The following SYCP1 variants were observed in gnomAD, a reference collection of about 807,000 sequenced individuals.
SYCP1 encodes cancer/testis antigen 8.
Under a neutral mutation model 153.1 loss-of-function variants are expected in SYCP1, and 64 were observed. The ratio of observed to expected loss-of-function variants is 0.42; its 90% CI spans 0.34 to 0.51. SYCP1 has a LOEUF of 0.51. SYCP1 is among the 20% of genes least tolerant of loss of function. The pLI, the probability that SYCP1 is intolerant of heterozygous loss-of-function variation, is 0.06. For synonymous variants in SYCP1, 384 were observed against 341.8 expected, an observed-to-expected ratio of 1.12 and a Z score of -1.36; for missense variants, 997 against 1,049.0, an observed-to-expected ratio of 0.95 and a Z score of 0.68.
In SYCP1 at chr1:114,876,877, A is replaced by G. The variant is rs1163443831; in HGVS notation, c.801+67A>G. The G allele has an allele frequency of 2.8e-5, 24 of 870,590 alleles. 1 individual carries two copies. In the East Asian group the frequency reaches 8.4e-4, roughly 31 times the overall value. 53.9% of individuals were successfully genotyped at this position (870,590 alleles called of 1,614,324 possible). ...AATTCATTAAAAACTTAAAATTTCA[A>G]AAGAAGTTTATATTTACTGAAAGTA... On this transcript the variant is annotated intron_variant, in intron 11 of 31. Transcript: ENST00000369522.
At chr1:114,926,927 T>C (rs1170118413) in intron 23 of SYCP1, among the ~76,000 whole-genome samples, 1 of 152,146 alleles carries the variant, frequency 6.6e-6, no homozygotes, top group Non-Finnish European at 1.5e-5. Context: ...TGTGTGATTA[T>C]CCTGCTGCAG....
rs2101452337 is a variant in SYCP1 at position 114,874,510 on chromosome 1, A to G, written c.603A>G (p.Glu201=). 6.4e-7 allele frequency: 1 copy of G among 1,555,222 alleles called. No homozygotes were observed. Among genetic ancestry groups the G allele is most frequent in the South Asian group, 1.2e-5 (1 of 84,360 alleles). ...ARSAEKTKKY[E]YEREETRQVY... is the part of the protein sequence containing the mutation. ...AAATTTTTATATTAACAATAGATGA[A>G]TATGAACGGGAAGAAACCAGGCAAG... The change falls in exon 9 of 32, where the codon GAA becomes GAG. Residue 201 remains glutamate, a synonymous_variant. Coordinates refer to ENST00000369522, the MANE Select transcript of SYCP1 (RefSeq NM_003176.4).
At chr1:114,902,553 A>G (rs893350138) in intron 16 of SYCP1, among the ~76,000 whole-genome samples, 4 of 150,532 alleles carry the variant, frequency 2.7e-5, no homozygotes, top group Non-Finnish European at 5.9e-5. Flanking sequence ...AGGAGGGGTC[A>G]AGTTCATCCC....
chr1:114,890,989 G>T (rs182909191), intron 15 of SYCP1, among the ~76,000 whole-genome samples: 106 of 152,130 alleles, frequency 7.0e-4, no homozygotes, highest in Admixed American at 2.4e-3. Context: ...TCATCAAACC[G>T]TGCTTCAGAT....
At chr1:114,960,700 A>G (rs1329817384) in intron 27 of SYCP1, among the ~76,000 whole-genome samples, 1 of 152,166 alleles carries the variant, frequency 6.6e-6, no homozygotes, top group Non-Finnish European at 1.5e-5. Context: ...TGCCATTGGT[A>G]TATCTTCTTT....
chr1:114,932,289 A>T (rs940059146), intron 23 of SYCP1, among the ~76,000 whole-genome samples: 2 of 152,228 alleles, frequency 1.3e-5, no homozygotes, highest in East Asian at 1.9e-4. Flanking sequence ...GAAAACACTG[A>T]CTAAACATTT....
intron 27 of SYCP1, among the ~76,000 whole-genome samples, chr1:114,965,402 G>T (rs1672052935): frequency 6.6e-6 from 1 of 152,200 alleles, no homozygotes; most frequent in Non-Finnish European, 1.5e-5. Flanking sequence ...ATGTTGAATA[G>T]GAGTGGTGAG....
intron 16 of SYCP1, among the ~76,000 whole-genome samples, chr1:114,901,380 T>C (rs1232631487): frequency 6.6e-6 from 1 of 152,236 alleles, no homozygotes; most frequent in African/African-American, 2.4e-5. Context: ...AAAATCCTTT[T>C]AACTCCATTA....
At chr1:114,994,540 ATCT>A (rs1338236119) in intron 30 of SYCP1, among the ~76,000 whole-genome samples, 155 bp from the exon 31 acceptor site, 1 of 150,944 alleles carries the variant, frequency 6.6e-6, no homozygotes, top group Non-Finnish European at 1.5e-5. Flanking sequence ...TCTCTCTATA[ATCT>A]TCTTTCTCTT....
chr1:114,885,124 G>A (rs796938113), intron 12 of SYCP1, among the ~76,000 whole-genome samples: 43 of 152,062 alleles, frequency 2.8e-4, no homozygotes, highest in African/African-American at 9.9e-4. Context: ...TTTGCATGCA[G>A]TGTTTAAATA....
chr1:114,948,313 C>G (rs749729921), intron 27 of SYCP1, among the ~76,000 whole-genome samples: 2 of 152,016 alleles, frequency 1.3e-5, no homozygotes, highest in Non-Finnish European at 2.9e-5. Context: ...AATGTTATAT[C>G]CCACAATTTA....
chr1:114,992,884 A>G (rs990968032), intron 30 of SYCP1, among the ~76,000 whole-genome samples: 11 of 151,604 alleles, frequency 7.3e-5, no homozygotes, highest in Non-Finnish European at 4.4e-5. Context: ...AATCATATAT[A>G]TGACAAGGGA....
Position 114,886,167 on chromosome 1 carries a change from A to G in SYCP1, c.1048A>G (p.Lys350Glu), listed in dbSNP as rs750023481. ...ALEEDLQIATKTICQLTEEKE... is the reference protein window; with the variant it reads ...ALEEDLQIATETICQLTEEKE... The stretch of plus-strand genomic sequence containing the variant: ...AGAGGAAGATTTACAGATAGCAACA[A>G]AAACAATTTGTCAGCTAACTGAAGA... Residue 350 changes from lysine to glutamate, a missense_variant, in exon 14 of 32, where the codon AAA becomes GAA. Around this residue, in one of 2 missense-constraint regions of SYCP1, gnomAD observed 712 missense variants for 682.9 expected, o/e 1.04. Transcript: ENST00000369522. The G allele has an allele frequency of 8.1e-6, 13 of 1,610,586 alleles. No individual in the cohort carries two copies. In the African/African-American group the frequency reaches 1.7e-4, roughly 22 times the overall value.
chr1:114,911,236 G>A (rs1668155618), intron 17 of SYCP1, among the ~76,000 whole-genome samples: 1 of 151,802 alleles, frequency 6.6e-6, no homozygotes, highest in Admixed American at 6.6e-5. Flanking sequence ...ATATTTTATA[G>A]CATATAAATG....
chr1:114,920,091 C>T (rs1192912354), intron 20 of SYCP1, among the ~76,000 whole-genome samples: 4 of 151,580 alleles, frequency 2.6e-5, no homozygotes, highest in Non-Finnish European at 5.9e-5. Context: ...GGTTATTTGA[C>T]TTTTTAAAAC....
intron 27 of SYCP1, among the ~76,000 whole-genome samples, chr1:114,952,634 T>C (rs1286377788): frequency 6.6e-6 from 1 of 152,134 alleles, no homozygotes; most frequent in Non-Finnish European, 1.5e-5. Flanking sequence ...TTAGATCTTG[T>C]GAGAACTCAC....
In SYCP1 at chr1:114,883,344, A is replaced by G. The variant is rs1666080991; in HGVS notation, c.911-2191A>G. ...TTATTTTTAAATTTCATAGCCAATA[A>G]TTCTAAAATATGAAATCTTTGTAGA... On this transcript the variant is annotated intron_variant, in intron 12 of 31. Transcript: ENST00000369522. Among the ~76,000 whole-genome samples, 5 of 152,216 alleles carry G rather than the reference A, an allele frequency of 3.3e-5. No homozygotes were observed. In the South Asian group the frequency reaches 1.0e-3, roughly 31 times the overall value.
At chr1:114,904,353 T>C (rs1054890269) in intron 16 of SYCP1, among the ~76,000 whole-genome samples, 10 of 152,122 alleles carry the variant, frequency 6.6e-5, no homozygotes, top group Non-Finnish European at 1.5e-4. Flanking sequence ...CCTGACCTTG[T>C]GATCTGCCCA....
At chr1:114,925,295 T>C (rs1197683051) in intron 21 of SYCP1, among the ~76,000 whole-genome samples, 1 of 152,122 alleles carries the variant, frequency 6.6e-6, no homozygotes. Flanking sequence ...TGTTTGTTAA[T>C]GGAGAAAAAC....
Sources: allele counts gnomAD v4.1 joint callset (sites outside exome capture counted in the v4.1 genomes callset), GRCh38; gene constraint gnomAD v4.1.1; regional missense constraint gnomAD v4.1.1; transcripts MANE v1.5; gene names NCBI Gene and HGNC (gene_info 2026-07-23, HGNC 2026-07-21).